The following LTAP1 variants were observed in gnomAD, a reference collection of about 807,000 sequenced individuals.
LTAP1 encodes the protein HCV NS5A-transactivated protein 4.
At chr1:154,207,661 G>C in the LTAP1 span, 3 of 1,584,518 alleles carry the variant, frequency 1.9e-6, 1 homozygote, top group Middle Eastern at 3.8e-4. Context: ...GAAGAACAGA[G>C]AGGGGAGGTC....
At chr1:154,210,231 G>A in the LTAP1 span, among the ~76,000 whole-genome samples, 3 of 152,060 alleles carry the variant, frequency 2.0e-5, no homozygotes, top group Admixed American at 6.6e-5. Flanking sequence ...TAGAGATGAG[G>A]TTTTGTCATG....
chr1:154,220,410 CCT>C, the LTAP1 span: 6 of 1,614,112 alleles, frequency 3.7e-6, no homozygotes, highest in Non-Finnish European at 5.1e-6. Context: ...GACGCCATGG[CCT>C]CCCTACCTCG....
chr1:154,206,767 C>T, the LTAP1 span: 1 of 159,268 alleles, frequency 6.3e-6, no homozygotes, highest in Non-Finnish European at 1.4e-5. Flanking sequence ...TAAAGTCAGA[C>T]CAGTGCATTG....
the LTAP1 span, chr1:154,219,833 T>C: frequency 6.3e-7 from 1 of 1,595,190 alleles, no homozygotes; most frequent in Non-Finnish European, 8.5e-7. Flanking sequence ...CCTAAGGACC[T>C]ACCTTGGGGG....
the LTAP1 span, chr1:154,214,686 G>A: frequency 1.5e-6 from 1 of 660,098 alleles, no homozygotes; most frequent in Non-Finnish European, 2.6e-6. Context: ...TAGAGACCAT[G>A]CTCATGTAGT....
At chr1:154,220,501 T>G in the LTAP1 span, 285 of 1,419,898 alleles carry the variant, frequency 2.0e-4, no homozygotes, top group Non-Finnish European at 2.7e-4. Context: ...CTGGGTCCCC[T>G]GGAGCTCCCC....
the LTAP1 span, among the ~76,000 whole-genome samples, chr1:154,210,814 A>T: frequency 2.7e-5 from 4 of 149,350 alleles, no homozygotes; most frequent in African/African-American, 5.1e-5. Context: ...TTTCTCGCCA[A>T]GAACTTTGAT....
chr1:154,212,311 C>A, the LTAP1 span: 64 of 1,614,016 alleles, frequency 4.0e-5, 1 homozygote, highest in African/African-American at 8.3e-4. Context: ...CGTTCCCCTC[C>A]AAACTCACGC....
At chr1:154,216,340 ATT>A in the LTAP1 span, among the ~76,000 whole-genome samples, 10 of 149,274 alleles carry the variant, frequency 6.7e-5, no homozygotes, top group South Asian at 6.3e-4. Flanking sequence ...TAAAAAAAAA[ATT>A]TTTTTTTTTT....
the LTAP1 span, chr1:154,220,257 A>C: frequency 2.0e-6 from 3 of 1,496,212 alleles, no homozygotes; most frequent in Non-Finnish European, 2.8e-6. Context: ...GAGTGGGTGG[A>C]GAATGCAGAC....
At chr1:154,214,706 T>C in the LTAP1 span, 1 of 613,762 alleles carries the variant, frequency 1.6e-6, no homozygotes, top group South Asian at 2.4e-5. Context: ...TTAATAAAAT[T>C]ACCAGATAAG....
At chr1:154,220,214 G>A in the LTAP1 span, 1 of 1,155,924 alleles carries the variant, frequency 8.7e-7, no homozygotes, top group Admixed American at 1.8e-5. Context: ...CCTACTCCTG[G>A]AATAAGGAGT....
At chr1:154,217,328 T>C in the LTAP1 span, among the ~76,000 whole-genome samples, 8 of 152,292 alleles carry the variant, frequency 5.3e-5, no homozygotes, top group Non-Finnish European at 1.0e-4. Context: ...ATTGATGAGT[T>C]TGACAAATGA....
chr1:154,212,194 C>T, the LTAP1 span: 29 of 1,057,456 alleles, frequency 2.7e-5, no homozygotes, highest in Non-Finnish European at 4.1e-5. Context: ...ATCTAATAGT[C>T]TAGAACCTGA....
chr1:154,219,778 C>G, the LTAP1 span: 1 of 1,266,514 alleles, frequency 7.9e-7, no homozygotes, highest in Non-Finnish European at 1.1e-6. Context: ...GAGGAAATCT[C>G]ATTCTTGACC....
the LTAP1 span, chr1:154,219,842 G>A: frequency 1.9e-6 from 3 of 1,606,150 alleles, no homozygotes; most frequent in East Asian, 4.5e-5. Context: ...CTACCTTGGG[G>A]GCATTGTGTC....
the LTAP1 span, chr1:154,220,120 G>A: frequency 2.8e-6 from 2 of 716,308 alleles, no homozygotes; most frequent in Admixed American, 2.8e-5. Context: ...CAGCAGGGAG[G>A]CGTGGGGTCT....
chr1:154,215,282 A>G, the LTAP1 span, among the ~76,000 whole-genome samples: 1 of 150,206 alleles, frequency 6.7e-6, no homozygotes, highest in Non-Finnish European at 1.5e-5. Flanking sequence ...AAGATAGTAA[A>G]GGGGCCGGGT....
the LTAP1 span, chr1:154,212,435 C>T: frequency 1.2e-6 from 2 of 1,613,996 alleles, no homozygotes; most frequent in Middle Eastern, 1.6e-4. Context: ...CTCTTTAGTG[C>T]CCCGAAGAAA....
Sources: allele counts gnomAD v4.1 joint callset (sites outside exome capture counted in the v4.1 genomes callset), GRCh38; gene constraint gnomAD v4.1.1; transcripts MANE v1.5; gene names NCBI Gene and HGNC (gene_info 2026-07-23, HGNC 2026-07-21).